Variants in DGKZ observed in about 807,000 individuals in gnomAD.
DGKZ encodes diacylglycerol kinase zeta, also known as DAG kinase zeta.
In DGKZ, 45 loss-of-function variants were observed where a neutral mutation model predicts 142.5. The observed-to-expected ratio is 0.32, with a 90% CI of 0.25 to 0.40. The LOEUF is 0.40. DGKZ is among the 10% of genes least tolerant of loss of function. DGKZ has a pLI of 1.00. For missense variants in DGKZ, 755 were observed against 1,306.5 expected, an observed-to-expected ratio of 0.58 and a Z score of 6.51; for synonymous variants, 442 against 527.0, an observed-to-expected ratio of 0.84 and a Z score of 2.21.
chr11:46,369,420 C>T (rs771373804), intron 4 of DGKZ, 74 bp from the exon 5 acceptor site: 7 of 1,576,198 alleles, frequency 4.4e-6, no homozygotes, highest in Admixed American at 1.7e-5. Flanking sequence ...CTGGGTTGTC[C>T]TGGAGGGAGT....
chr11:46,374,889 G>T, intron 18 of DGKZ, 45 bp from the exon 19 acceptor site: 2 of 1,582,842 alleles, frequency 1.3e-6, no homozygotes, highest in Non-Finnish European at 8.6e-7. Context: ...TCCTTGTCCT[G>T]CAGAGACTGT....
At chr11:46,335,431 A>G (rs930939664) in intron 1 of DGKZ, among the ~76,000 whole-genome samples, 8 of 146,038 alleles carry the variant, frequency 5.5e-5, no homozygotes, top group South Asian at 2.1e-4. Context: ...GTGCACGCAC[A>G]CACACACACA....
At chr11:46,375,829 G>T (rs778207302) in intron 20 of DGKZ, 22 bp from the exon 21 acceptor site, 43 of 1,550,142 alleles carry the variant, frequency 2.8e-5, no homozygotes, top group Non-Finnish European at 3.2e-5. Flanking sequence ...CTGAGCCCCC[G>T]CTTGCCGGCC....
At chr11:46,345,418 A>G (rs1287875770), upstream of DGKZ, 10 of 1,441,462 alleles carry the variant, frequency 6.9e-6, no homozygotes, top group Non-Finnish European at 9.1e-6. This position sits in a 1 kb window ranked among gnomAD's most constrained non-coding sequence, Gnocchi z 4.1. Context: ...GGATGAGCGC[A>G]CCGGGGGCTG....
chr11:46,336,920 T>A (rs1006230274), intron 1 of DGKZ, among the ~76,000 whole-genome samples: 16 of 152,032 alleles, frequency 1.1e-4, no homozygotes, highest in African/African-American at 3.6e-4. Context: ...ACTCAGAATG[T>A]TGAGGTGGGA....
chr11:46,362,670 G>A (rs781547038), intron 1 of DGKZ, among the ~76,000 whole-genome samples: 26 of 152,170 alleles, frequency 1.7e-4, no homozygotes, highest in Admixed American at 4.6e-4. Flanking sequence ...ATCAGTCTAG[G>A]GTGGCAGTGG....
chr11:46,347,384 G>C (rs1486533336), upstream of DGKZ: 1 of 983,932 alleles, frequency 1.0e-6, no homozygotes, highest in Non-Finnish European at 1.2e-6. This position sits in a 1 kb window ranked among gnomAD's most constrained non-coding sequence, Gnocchi z 6.4. Context: ...CGGTGCCACC[G>C]TGCGGCCGAG....
chr11:46,378,598 C>T (rs1269598127), intron 27 of DGKZ, 98 bp downstream of exon 27: 10 of 1,464,766 alleles, frequency 6.8e-6, no homozygotes, highest in Middle Eastern at 3.5e-4. Flanking sequence ...TGCTCAGGTG[C>T]TGTCATCTGT....
intron 6 of DGKZ, among the ~76,000 whole-genome samples, chr11:46,370,822 G>A (rs1169953716): frequency 6.6e-6 from 1 of 152,064 alleles, no homozygotes; most frequent in African/African-American, 2.4e-5. Context: ...GGTGGCTCAC[G>A]CCTGTAATCC....
chr11:46,374,009 G>A (rs1590615485), intron 14 of DGKZ, 148 bp from the exon 15 acceptor site: 19 of 776,558 alleles, frequency 2.4e-5, no homozygotes, highest in Admixed American at 1.9e-4. Context: ...GCCTGACAGC[G>A]GGTGAGCTGG....
Position 46,347,650 on chromosome 11 carries a change from C to T in DGKZ, c.-10C>T, listed in dbSNP as rs542093630. On this transcript the variant is annotated 5_prime_UTR_variant, in exon 1 of 31. Transcript: ENST00000527911. This position sits in a 1 kb window ranked among gnomAD's most constrained non-coding sequence, Gnocchi z 6.4. ...CCCGCGGGCCCTCCGCCGGCCGGGGCTAGGGCCGGATGGAGCCGCGGGACG... is the reference window on the plus strand; with the variant it reads ...CCCGCGGGCCCTCCGCCGGCCGGGGTTAGGGCCGGATGGAGCCGCGGGACG... 2.5e-4 allele frequency: 353 copies of T among 1,387,848 alleles called. No homozygotes were observed. In the South Asian group the frequency reaches 3.9e-3, roughly 15 times the overall value. 86.0% of individuals were successfully genotyped at this position (1,387,848 alleles called of 1,614,324 possible). A position where few individuals can be genotyped will look rare whatever the true frequency, so the allele number is the denominator to read the frequency against.
Position 46,366,830 on chromosome 11 carries a change from C to T in DGKZ, c.162-461C>T, listed in dbSNP as rs147421672. The T allele has an allele frequency of 6.1e-5, 95 of 1,545,738 alleles. No individual in the cohort carries two copies. The highest frequency in any genetic ancestry group is 7.7e-5 in the Admixed American group (4 of 52,050). The stretch of plus-strand genomic sequence containing the variant: ...CTATCGGCGCCTCAGCCAGCGGCGG[C>T]CCTCAGGCCAGCACCCTGGCCCTGG... On this transcript the variant is annotated intron_variant, in intron 1 of 30. Coordinates refer to ENST00000527911, the Ensembl canonical transcript of DGKZ.
rs931555578 is a variant in DGKZ at position 46,372,815 on chromosome 11, G to T, written c.1116G>T (p.Pro372=). ...CCCTGGACCAGCTACGCCTGAAGCC[G>T]CCACCCCCTGTTGCCATCCTGCCCC... Residue 372 remains proline (P), a synonymous_variant, in exon 13 of 31, where the codon CCG becomes CCT. Coordinates refer to ENST00000527911, the Ensembl canonical transcript of DGKZ. The surrounding 1 kb of genome is among the most constrained non-coding windows in gnomAD (Gnocchi z 5.9). The T allele has an allele frequency of 2.5e-6, 4 of 1,602,876 alleles. No individual in the cohort carries two copies. Among genetic ancestry groups the T allele is most frequent in the Non-Finnish European group, 3.4e-6 (4 of 1,174,996 alleles).
rs774684652 is a variant in DGKZ at position 46,376,279 on chromosome 11, C to T, written c.2092-49C>T. On this transcript the variant is annotated intron_variant, in intron 22 of 30. Coordinates refer to ENST00000527911, the Ensembl canonical transcript of DGKZ. ...TTCCCCCTACTCCAAGTTCCCTTCCCTCCCTGGCCCCCACTCTATCCCAGC... is the reference window on the plus strand; with the variant it reads ...TTCCCCCTACTCCAAGTTCCCTTCCTTCCCTGGCCCCCACTCTATCCCAGC... 8 of 1,612,076 alleles carry T rather than the reference C, an allele frequency of 5.0e-6. No individual in the cohort carries two copies. In the South Asian group the frequency reaches 8.8e-5, roughly 18 times the overall value.
intron 20 of DGKZ, 100 bp downstream of exon 20, chr11:46,375,731 G>A (rs1944453550): frequency 6.7e-7 from 1 of 1,501,242 alleles, no homozygotes; most frequent in South Asian, 1.2e-5. Flanking sequence ...CTGTCCCTCT[G>A]CCCCAGGGGT....
At chr11:46,376,461 G>GAA in intron 23 of DGKZ, 63 bp from the exon 24 acceptor site, 1 of 1,613,728 alleles carries the variant, frequency 6.2e-7, no homozygotes, top group South Asian at 1.1e-5. Context: ...CCAGGTAGGG[G>GAA]CAGCAGAGGA....
At position 46,379,006 on chromosome 11, in the gene DGKZ, C is replaced by T; in HGVS notation, c.2434C>T (p.Arg812Ter). The T allele has an allele frequency of 3.2e-6, 5 of 1,571,646 alleles. No homozygotes were observed. The highest frequency in any genetic ancestry group is 3.4e-6 in the Non-Finnish European group (4 of 1,166,350). Residue 812 changes from arginine (R) to a stop codon, truncating the protein, a stop_gained, in exon 28 of 31, where the codon CGA becomes TGA. Coordinates refer to ENST00000527911, the Ensembl canonical transcript of DGKZ. LOFTEE classifies it high-confidence loss of function. Reference sequence around the variant, plus strand: ...CTGCCCTCAGCTCCAGGAGCTGCACCGAGCTGGGGGCGACCTCATGCACCG... The same window carrying T: ...CTGCCCTCAGCTCCAGGAGCTGCACTGAGCTGGGGGCGACCTCATGCACCG...
exon 8 of DGKZ, chr11:46,371,569 C>T (rs1420532438): frequency 1.2e-6 from 2 of 1,610,734 alleles, no homozygotes; most frequent in Non-Finnish European, 1.7e-6. Flanking sequence ...GTGGTCATCC[C>T]GCCCACCTGG....
At position 46,376,839 on chromosome 11, in the gene DGKZ, C is replaced by T. The variant is rs1944602663; in HGVS notation, c.2203-234C>T. The T allele has an allele frequency of 6.3e-6, 4 of 634,988 alleles. No homozygotes were observed. In the Admixed American group the frequency reaches 8.8e-5, roughly 14 times the overall value. The allele number at this position is 634,988 out of a possible 1,614,324, so 39.3% of individuals were successfully genotyped here. A position where few individuals can be genotyped will look rare whatever the true frequency, so the allele number is the denominator to read the frequency against. ...GGAAGCCCAGAGCCATCCAGGGAGA[C>T]ACAGAAGCAAAGGCATTCTGGTCAG... On this transcript the variant is annotated intron_variant, in intron 24 of 30. Transcript: ENST00000527911.
Sources: allele counts gnomAD v4.1 joint callset (sites outside exome capture counted in the v4.1 genomes callset), GRCh38; gene constraint gnomAD v4.1.1; non-coding constraint Gnocchi (gnomAD v3.1); transcripts MANE v1.5; gene names NCBI Gene and HGNC (gene_info 2026-07-23, HGNC 2026-07-21).